Variants in DLG2 observed in about 807,000 individuals in gnomAD.
The protein encoded by DLG2 is discs large MAGUK scaffold protein 2, also known as disks large homolog 2.
DLG2 carries 45 observed loss-of-function variants against 132.5 expected under a neutral mutation model. That is an observed-to-expected ratio of 0.34 (90% CI 0.27 to 0.44). DLG2 has a LOEUF of 0.44. DLG2 is among the 20% of genes least tolerant of loss of function. DLG2 has a pLI of 1.00. For synonymous variants in DLG2, 424 were observed against 419.6 expected (o/e 1.01, Z -0.13); for missense variants, 1,045 against 1,196.9 (o/e 0.87, Z 1.87).
intron 16 of DLG2, among the ~76,000 whole-genome samples, chr11:83,858,510 G>C (rs2060912322): frequency 6.6e-6 from 1 of 152,142 alleles, no homozygotes; most frequent in Non-Finnish European, 1.5e-5. Context: ...CTGACTTCTG[G>C]TCTTGAATTT....
chr11:84,494,336 C>T (rs2099174319), intron 7 of DLG2, among the ~76,000 whole-genome samples: 1 of 152,182 alleles, frequency 6.6e-6, no homozygotes, highest in Non-Finnish European at 1.5e-5. Flanking sequence ...GAAAAGTGCT[C>T]TCAACATGAG....
At chr11:83,988,783 C>G (rs1232083778) in intron 11 of DLG2, among the ~76,000 whole-genome samples, 1 of 152,088 alleles carries the variant, frequency 6.6e-6, no homozygotes, top group Non-Finnish European at 1.5e-5. Flanking sequence ...GAGCTGGAAC[C>G]TAAGCTCCCT....
Position 84,743,847 on chromosome 11 carries a change from C to T in DLG2, c.358-209116G>A, listed in dbSNP as rs531924596. Among the ~76,000 whole-genome samples, 25 of 152,224 alleles carry T rather than the reference C, an allele frequency of 1.6e-4. No individual in the cohort carries two copies. The South Asian group carries it at 5.0e-3, about 30-fold the overall frequency. ...TCAAATGATTCTCCTTCCTCAGCCT[C>T]CTGAGTAGCTGGGACTACAGGCGCC... On this transcript the variant is annotated intron_variant, in intron 6 of 27. Coordinates refer to ENST00000376104, the MANE Select transcript of DLG2 (RefSeq NM_001142699.3).
intron 3 of DLG2, among the ~76,000 whole-genome samples, chr11:85,491,560 G>C (rs2093561137): frequency 1.3e-5 from 2 of 151,922 alleles, no homozygotes; most frequent in Non-Finnish European, 2.9e-5. Context: ...TAAAGTTGCA[G>C]GATACAAAAT....
At chr11:84,060,852 A>G (rs546239017) in intron 10 of DLG2, among the ~76,000 whole-genome samples, 3 of 152,024 alleles carry the variant, frequency 2.0e-5, no homozygotes, top group Admixed American at 6.6e-5. Flanking sequence ...CTGCAAGTAT[A>G]GCCTCAGTCC....
intron 7 of DLG2, among the ~76,000 whole-genome samples, chr11:84,339,762 G>A (rs1402111560): frequency 6.6e-6 from 1 of 152,126 alleles, no homozygotes; most frequent in Non-Finnish European, 1.5e-5. Flanking sequence ...CTTTAGAAAA[G>A]AGTCTTATTT....
At chr11:83,791,298 C>T in intron 17 of DLG2, 2 of 677,088 alleles carry the variant, frequency 3.0e-6, no homozygotes, top group South Asian at 1.8e-5. Context: ...AGGGTTTGCC[C>T]GCCTTGCCTT....
chr11:83,725,016 G>C, intron 18 of DLG2: 1 of 658,810 alleles, frequency 1.5e-6, no homozygotes, highest in South Asian at 1.7e-5. Context: ...AAGCCTGTTA[G>C]GAGTGAAGCA....
chr11:83,933,778 T>A (rs2080863942), intron 14 of DLG2, among the ~76,000 whole-genome samples: 1 of 152,136 alleles, frequency 6.6e-6, no homozygotes, highest in African/African-American at 2.4e-5. Flanking sequence ...TGGATTAGGA[T>A]TGGGCCCCTC....
At chr11:83,943,662 C>T (rs868000714) in intron 14 of DLG2, among the ~76,000 whole-genome samples, 5 of 151,588 alleles carry the variant, frequency 3.3e-5, no homozygotes, top group African/African-American at 1.2e-4. Context: ...TATGTGCTAG[C>T]TACAGCCATT....
intron 8 of DLG2, among the ~76,000 whole-genome samples, chr11:84,177,562 C>T (rs146260169): frequency 3.3e-3 from 499 of 152,216 alleles, no homozygotes; most frequent in Non-Finnish European, 5.6e-3. Context: ...CAATAAATTA[C>T]GATACTACTT....
chr11:84,245,243 T>C (rs377419478), intron 8 of DLG2, among the ~76,000 whole-genome samples: 2 of 152,218 alleles, frequency 1.3e-5, no homozygotes, highest in East Asian at 3.9e-4. Flanking sequence ...TTGGTTCATC[T>C]TTTTCCCTTT....
At chr11:85,552,500 TAA>T (rs1433701471) in intron 3 of DLG2, among the ~76,000 whole-genome samples, 1 of 150,550 alleles carries the variant, frequency 6.6e-6, no homozygotes, top group East Asian at 1.9e-4. Flanking sequence ...TTTAGAAAAA[TAA>T]AACAATCTGA....
chr11:84,570,939 G>GGAAA (rs1565332524), intron 6 of DLG2, among the ~76,000 whole-genome samples: 4 of 152,116 alleles, frequency 2.6e-5, no homozygotes, highest in Non-Finnish European at 5.9e-5. Flanking sequence ...CTAGGAAAGG[G>GGAAA]GGTTGGAGGA....
intron 15 of DLG2, among the ~76,000 whole-genome samples, chr11:83,881,955 A>G (rs1205655264): frequency 6.6e-6 from 1 of 152,208 alleles, no homozygotes; most frequent in Non-Finnish European, 1.5e-5. Flanking sequence ...CTGTCAAATT[A>G]GGTCTGAGAG....
At chr11:84,711,330 AAGAGAGAG>A (rs760750088) in intron 6 of DLG2, among the ~76,000 whole-genome samples, 736 of 48,396 alleles carry the variant, frequency 0.015, no homozygotes, top group Middle Eastern at 0.04. Context: ...CAGAACCAGT[AAGAGAGAG>A]AGAGAGAGAG....
chr11:85,472,978 G>A (rs1422053940), intron 3 of DLG2, among the ~76,000 whole-genome samples: 1 of 152,218 alleles, frequency 6.6e-6, no homozygotes, highest in Non-Finnish European at 1.5e-5. Flanking sequence ...GTGACATGCT[G>A]TAACACTGCC....
At chr11:84,097,070 A>G (rs2097174803) in intron 10 of DLG2, among the ~76,000 whole-genome samples, 1 of 152,218 alleles carries the variant, frequency 6.6e-6, no homozygotes. Flanking sequence ...AGGAAGTGCT[A>G]TGAAGCTTAC....
intron 7 of DLG2, among the ~76,000 whole-genome samples, chr11:84,415,283 T>A (rs2098925381): frequency 6.6e-6 from 1 of 152,166 alleles, no homozygotes; most frequent in South Asian, 2.1e-4. Context: ...TTTCCTAGAA[T>A]CACAGGGTGT....
Sources: allele counts gnomAD v4.1 joint callset (sites outside exome capture counted in the v4.1 genomes callset), GRCh38; gene constraint gnomAD v4.1.1; transcripts MANE v1.5; gene names NCBI Gene and HGNC (gene_info 2026-07-23, HGNC 2026-07-21).